Variants in ZNF236 observed in about 807,000 individuals in gnomAD.
The protein encoded by ZNF236 is zinc finger protein 236, also known as regulated by glucose.
ZNF236 carries 50 observed loss-of-function variants against 191.2 expected under a neutral mutation model. That is an observed-to-expected ratio of 0.26 (90% CI 0.21 to 0.33). The LOEUF (loss-of-function observed/expected upper bound fraction) is 0.33. Ranked by LOEUF, ZNF236 falls within the 10% of genes least tolerant of loss-of-function variation. The pLI is 1.00. For synonymous variants in ZNF236, 907 were observed against 928.8 expected, an observed-to-expected ratio of 0.98 and a Z score of 0.43; for missense variants, 1,754 against 2,374.5, an observed-to-expected ratio of 0.74 and a Z score of 5.43.
rs1295133201 is a variant in ZNF236 at position 76,861,773 on chromosome 18, C to A, written c.364-6912C>A. Among the ~76,000 whole-genome samples the A allele has an allele frequency of 2.0e-5, 3 of 152,178 alleles. No individual in the cohort carries two copies. In the East Asian group the frequency reaches 5.8e-4, roughly 29 times the overall value. Reference sequence around the variant, plus strand: ...ATCACTATTGTTAGAGATAACCAGCCAACAGGCACAGAAGGACTCTGAAAG... The same window carrying A: ...ATCACTATTGTTAGAGATAACCAGCAAACAGGCACAGAAGGACTCTGAAAG... On this transcript the variant is annotated intron_variant, in intron 3 of 30. Transcript: ENST00000320610.
At chr18:76,900,971 C>T (rs1977573042) in intron 11 of ZNF236, among the ~76,000 whole-genome samples, 1 of 152,158 alleles carries the variant, frequency 6.6e-6, no homozygotes, top group Admixed American at 6.5e-5. Flanking sequence ...AGATCCCTCA[C>T]ATGCACAGTG....
chr18:76,905,729 C>G (rs2658748), intron 13 of ZNF236, among the ~76,000 whole-genome samples: 3 of 152,024 alleles, frequency 2.0e-5, no homozygotes, highest in Non-Finnish European at 4.4e-5. Context: ...GTGTCTAGTA[C>G]AGTCAGATAG....
At chr18:76,837,484 A>G (rs1476140596) in intron 1 of ZNF236, among the ~76,000 whole-genome samples, 3 of 122,054 alleles carry the variant, frequency 2.5e-5, no homozygotes, top group Non-Finnish European at 4.8e-5. Flanking sequence ...CTTGTTGCCC[A>G]GGCTGGAGTG....
At chr18:76,934,306 AT>A in intron 25 of ZNF236, among the ~76,000 whole-genome samples, 2 of 152,354 alleles carry the variant, frequency 1.3e-5, no homozygotes, top group Middle Eastern at 3.4e-3. Context: ...TCAGAGTTTC[AT>A]CCCAACATCC....
chr18:76,972,449 TCACCCTCACACTCACCCACA>T lies in ZNF236; in HGVS notation c.*4128_*4147del, dbSNP rs1336447841. On this transcript the variant is annotated 3_prime_UTR_variant, in exon 31 of 31. Coordinates refer to ENST00000320610, the MANE Select transcript of ZNF236 (RefSeq NM_001306089.2). ...CACCCTCACACACTCACCCACACAC[TCACCCTCACACTCACCCACA>T]CACCCTCACACTCACCCTCCCTACA... Among the ~76,000 whole-genome samples, 3 of 151,106 alleles carry T rather than the reference TCACCCTCACACTCACCCACA, an allele frequency of 2.0e-5. No homozygotes were observed. The highest frequency in any genetic ancestry group is 6.6e-5 in the Admixed American group (1 of 15,110).
At chr18:76,932,981 CAGA>C (rs1311414002) in intron 25 of ZNF236, among the ~76,000 whole-genome samples, 3 of 152,200 alleles carry the variant, frequency 2.0e-5, no homozygotes, top group Admixed American at 1.3e-4. Flanking sequence ...TTCACCTCCA[CAGA>C]CGCATGTTGG....
rs760553574 is a variant in ZNF236, at chr18:76,937,276, C to T, written c.4715C>T (p.Thr1572Met). The T allele has an allele frequency of 6.8e-6, 11 of 1,614,030 alleles. No homozygotes were observed. The highest frequency in any genetic ancestry group is 2.2e-5 in the East Asian group (1 of 44,890). Residue 1572 changes from threonine (T) to methionine (M), a missense_variant, in exon 26 of 31, where the codon ACG (threonine) becomes ATG (methionine). Thr to Met is a moderately conservative substitution (Grantham distance 81). Transcript: ENST00000320610. ...GVGGDASVTLTLADTQGMLSG... is the reference protein window; with the variant it reads ...GVGGDASVTLMLADTQGMLSG... The stretch of plus-strand genomic sequence containing the variant: ...GGAGGTGACGCTAGTGTCACGCTGA[C>T]GCTGGCCGATACTCAGGGTATGCTA...
chr18:76,865,398 C>T (rs1452835926), intron 3 of ZNF236, among the ~76,000 whole-genome samples: 3 of 152,174 alleles, frequency 2.0e-5, no homozygotes, highest in African/African-American at 4.8e-5. Flanking sequence ...TACATTGTCT[C>T]CAAGAAACTT....
At chr18:76,898,903 G>T in intron 10 of ZNF236, 116 bp from the exon 11 acceptor site, 1 of 846,780 alleles carries the variant, frequency 1.2e-6, no homozygotes. Context: ...TATAAGCATG[G>T]CCTAATAAAT....
intron 1 of ZNF236, chr18:76,834,891 G>A: frequency 3.2e-6 from 1 of 315,518 alleles, no homozygotes; most frequent in South Asian, 3.0e-5. Context: ...AACTTCATTT[G>A]GGCTGCTCCC....
chr18:76,901,093 C>T (rs541241674), intron 11 of ZNF236, among the ~76,000 whole-genome samples: 2 of 152,288 alleles, frequency 1.3e-5, no homozygotes, highest in South Asian at 4.1e-4. Context: ...CTGCGTGGCC[C>T]GGTTCCTAAC....
intron 10 of ZNF236, among the ~76,000 whole-genome samples, chr18:76,897,162 A>G (rs563953250): frequency 4.6e-5 from 7 of 151,728 alleles, no homozygotes; most frequent in South Asian, 4.1e-4. Flanking sequence ...ATAGTACTGC[A>G]CACAGGTACC....
rs1489615390 is a variant in ZNF236 at position 76,915,655 on chromosome 18, G to A, written c.3070G>A (p.Ala1024Thr). The A allele has an allele frequency of 2.5e-6, 4 of 1,613,820 alleles. No individual in the cohort carries two copies. In the South Asian group the frequency reaches 4.4e-5, roughly 18 times the overall value. ...SHEKTHTGVK[A>T]FSCSVCNASF... The stretch of plus-strand genomic sequence containing the variant: ...TGTTTCTGTGCTTGCAGGAGTGAAG[G>A]CGTTCAGCTGCAGTGTGTGCAATGC... The change falls in exon 19 of 31, where the codon GCG becomes ACG. Residue 1024 changes from alanine (A) to threonine (T), a missense_variant. Ala to Thr is a moderately conservative substitution (Grantham distance 58). Around this residue, in one of 5 missense-constraint regions of ZNF236, gnomAD observed 641 missense variants for 869.6 expected, o/e 0.74. Transcript: ENST00000320610.
intron 25 of ZNF236, among the ~76,000 whole-genome samples, chr18:76,929,954 A>G (rs1468178028): frequency 6.6e-6 from 1 of 152,236 alleles, no homozygotes; most frequent in Non-Finnish European, 1.5e-5. Flanking sequence ...TAGGCAGTTC[A>G]TGAGTCCTAG....
intron 18 of ZNF236, among the ~76,000 whole-genome samples, chr18:76,915,438 A>C (rs1436147278): frequency 6.6e-6 from 1 of 152,182 alleles, no homozygotes; most frequent in African/African-American, 2.4e-5. Context: ...TCTTAAAACA[A>C]TCCCATTTCT....
At chr18:76,833,162 T>C (rs1975222329) in intron 1 of ZNF236, among the ~76,000 whole-genome samples, 1 of 152,214 alleles carries the variant, frequency 6.6e-6, no homozygotes, top group Non-Finnish European at 1.5e-5. Context: ...AACAGGTTTA[T>C]TTCTTCATTT....
In ZNF236 at chr18:76,915,779, C is replaced by T; in HGVS notation, c.3194C>T (p.Thr1065Ile). Residue 1065 changes from threonine (T) to isoleucine (I), a missense_variant, in exon 19 of 31, where the codon ACA becomes ATA. Coordinates refer to ENST00000320610, the MANE Select transcript of ZNF236 (RefSeq NM_001306089.2). ...CPFCEEGFRT[T>I]VHCKKHMKRH... The stretch of plus-strand genomic sequence containing the variant: ...TTTTGTGAGGAGGGTTTCCGAACTA[C>T]AGTGCATTGTAAAAAGCACATGAAG... 6.2e-7 allele frequency: 1 copy of T among 1,614,196 alleles called. No homozygotes were observed.
chr18:76,963,065 A>C (rs1377499253), intron 30 of ZNF236, among the ~76,000 whole-genome samples: 5 of 151,930 alleles, frequency 3.3e-5, no homozygotes, highest in Non-Finnish European at 5.9e-5. Flanking sequence ...GATGCTCTTG[A>C]TTTTCTTCTC....
intron 26 of ZNF236, among the ~76,000 whole-genome samples, chr18:76,939,363 C>T (rs1968075017): frequency 6.6e-6 from 1 of 152,016 alleles, no homozygotes; most frequent in South Asian, 2.1e-4. Context: ...AAACAAAATA[C>T]CCATCCTAAG....
Sources: gnomAD v4.1 joint callset for allele counts (sites outside exome capture counted in the v4.1 genomes callset) on GRCh38, gnomAD v4.1.1 for gene constraint, gnomAD v4.1.1 regional missense constraint, MANE v1.5 for transcripts, NCBI Gene and HGNC (gene_info 2026-07-23, HGNC 2026-07-21) for gene names.